The following KCNQ1 variants were observed in gnomAD, a reference collection of about 807,000 sequenced individuals.
The protein encoded by KCNQ1 is potassium voltage-gated channel subfamily KQT member 1.
A neutral mutation model predicts 72.4 loss-of-function variants in KCNQ1; 49 were observed. The ratio of observed to expected loss-of-function variants is 0.68; its 90% CI spans 0.54 to 0.86. The LOEUF is 0.86. KCNQ1 is among the 40% of genes least tolerant of loss of function. KCNQ1 has a pLI of 0.00. For synonymous variants in KCNQ1, 450 were observed against 412.6 expected (o/e 1.09, Z -1.10); for missense variants, 790 against 945.1 (o/e 0.84, Z 2.15).
intron 11 of KCNQ1, among the ~76,000 whole-genome samples, chr11:2,743,523 A>G (rs1846090988): frequency 6.6e-6 from 1 of 152,132 alleles, no homozygotes; most frequent in Non-Finnish European, 1.5e-5. Flanking sequence ...CCCGGCATGC[A>G]GCTCCCAGAG....
At chr11:2,587,786 A>G (rs1174818773) in intron 9 of KCNQ1, 94 bp downstream of exon 9, 1 of 1,552,892 alleles carries the variant, frequency 6.4e-7, no homozygotes, top group South Asian at 1.1e-5. Context: ...CTCACCATGC[A>G]TTTGGCTTGG....
intron 15 of KCNQ1, among the ~76,000 whole-genome samples, chr11:2,834,164 G>A (rs1300208616): frequency 6.7e-6 from 1 of 150,198 alleles, no homozygotes; most frequent in Non-Finnish European, 1.5e-5. Context: ...GGTGGGAGTG[G>A]TGTGGCACAT....
rs1850200728 is a variant in KCNQ1 at position 2,672,360 on chromosome 11, C to A, written c.1514+10279C>A. ...GTGCAGAAGCAGTGTGGTGGGGCAGCCTTCACAGGCTGATATGATTGAGCT... is the reference window on the plus strand; with the variant it reads ...GTGCAGAAGCAGTGTGGTGGGGCAGACTTCACAGGCTGATATGATTGAGCT... On this transcript the variant is annotated intron_variant, in intron 11 of 15. Transcript: ENST00000155840. The A allele has an allele frequency of 1.5e-5, 6 of 398,584 alleles. No individual in the cohort carries two copies. In the East Asian group the frequency reaches 2.1e-4, roughly 14 times the overall value. 24.7% of individuals were successfully genotyped at this position (398,584 alleles called of 1,614,324 possible). A position where few individuals can be genotyped will look rare whatever the true frequency, so the allele number is the denominator to read the frequency against.
intron 15 of KCNQ1, among the ~76,000 whole-genome samples, chr11:2,821,277 G>A (rs938732074): frequency 6.6e-6 from 1 of 152,250 alleles, no homozygotes; most frequent in African/African-American, 2.4e-5. Flanking sequence ...GGCCCCGCGT[G>A]GGGCAGGAGC....
chr11:2,534,457 C>T (rs756619127), intron 2 of KCNQ1, among the ~76,000 whole-genome samples: 4 of 152,250 alleles, frequency 2.6e-5, no homozygotes, highest in African/African-American at 4.8e-5. Flanking sequence ...CCACCCACCC[C>T]GAGGTCTGAC....
At position 2,565,669 on chromosome 11, in the gene KCNQ1, ACT is replaced by A. The variant is rs2133717861; in HGVS notation, c.478-4957_478-4956del. Reference sequence around the variant, plus strand: ...TGTTTTGGGGGGCAGGGACCCAGAAACTCATTGCTTTCAGGCCTTGCTAGAAA... The same window carrying A: ...TGTTTTGGGGGGCAGGGACCCAGAAACATTGCTTTCAGGCCTTGCTAGAAA... On this transcript the variant is annotated intron_variant, in intron 2 of 15. Coordinates refer to ENST00000155840, the MANE Select transcript of KCNQ1 (RefSeq NM_000218.3). The surrounding 1 kb of genome is among the most constrained non-coding windows in gnomAD (Gnocchi z 5.6). 6.6e-6 allele frequency among the ~76,000 whole-genome samples: 1 copy of A among 152,072 alleles called. No individual in the cohort carries two copies. Among genetic ancestry groups the A allele is most frequent in the Admixed American group, 6.5e-5 (1 of 15,276 alleles).
chr11:2,630,737 C>T (rs898609744), intron 10 of KCNQ1: 5 of 398,460 alleles, frequency 1.3e-5, no homozygotes, highest in Non-Finnish European at 2.2e-5. Context: ...GCCTGAATAA[C>T]TCCCTCTGGC....
In KCNQ1 at chr11:2,567,474, T is replaced by C. The variant is rs1434266854; in HGVS notation, c.478-3154T>C. 1.3e-5 allele frequency among the ~76,000 whole-genome samples: 2 copies of C among 152,156 alleles called. No individual in the cohort carries two copies. Among genetic ancestry groups the C allele is most frequent in the Non-Finnish European group, 2.9e-5 (2 of 68,014 alleles). ...TGTCCCCAGCTGAGTGTGAGCTCCC[T>C]GGGGTCTTGCTGTGGCCTTGGCCCT... On this transcript the variant is annotated intron_variant, in intron 2 of 15. Transcript: ENST00000155840. The surrounding 1 kb of genome is among the most constrained non-coding windows in gnomAD (Gnocchi z 6.6).
rs537211545 is a variant in KCNQ1, at chr11:2,509,662, G to A, written c.387-18266G>A. 1.1e-4 allele frequency among the ~76,000 whole-genome samples: 17 copies of A among 152,300 alleles called. No individual in the cohort carries two copies. In the East Asian group the frequency reaches 2.9e-3, roughly 26 times the overall value. On this transcript the variant is annotated intron_variant, in intron 1 of 15. Coordinates refer to ENST00000155840, the MANE Select transcript of KCNQ1 (RefSeq NM_000218.3). This position sits in a 1 kb window ranked among gnomAD's most constrained non-coding sequence, Gnocchi z 6.3. ...TTTCACTCCCAGCACGTCACGCCAC[G>A]TCCCTTTCCTCTGCTTTGTTCCTCC...
chr11:2,607,291 T>C (rs1254535920), intron 10 of KCNQ1, among the ~76,000 whole-genome samples: 1 of 152,164 alleles, frequency 6.6e-6, no homozygotes, highest in Middle Eastern at 3.2e-3. Flanking sequence ...TCTCCCATCA[T>C]GGAAGGGTGT....
chr11:2,635,556 C>A (rs1423274669), intron 10 of KCNQ1: 2 of 152,146 alleles, frequency 1.3e-5, no homozygotes, highest in Non-Finnish European at 2.9e-5. Flanking sequence ...TGTTTTGGTA[C>A]CAGTACCATG....
At chr11:2,641,720 CTAAAGTGTTTCCCCAATGTCTCCTTCAT>C (rs1219749820) in intron 10 of KCNQ1, 4 of 398,248 alleles carry the variant, frequency 1.0e-5, no homozygotes, top group Non-Finnish European at 1.8e-5. Context: ...GACCAATGTC[CTAAAGTGTTTCCCCAATGTCTCCTTCAT>C]TAATAGTGAT....
Position 2,549,801 on chromosome 11 carries a change from C to T in KCNQ1, c.478-20827C>T, listed in dbSNP as rs980373114. ...GTCATGAGTACCCCAGGCCCCTATG[C>T]GCCTCCTTCCCCATGACTGGCCCTG... On this transcript the variant is annotated intron_variant, in intron 2 of 15. Coordinates refer to ENST00000155840, the MANE Select transcript of KCNQ1 (RefSeq NM_000218.3). The surrounding 1 kb of genome is among the most constrained non-coding windows in gnomAD (Gnocchi z 6.2). Among the ~76,000 whole-genome samples, 3 of 152,106 alleles carry T rather than the reference C, an allele frequency of 2.0e-5. No homozygotes were observed. The highest frequency in any genetic ancestry group is 4.8e-5 in the African/African-American group (2 of 41,426).
rs561062621 is a variant in KCNQ1 at position 2,734,723 on chromosome 11, T to C, written c.1515-34121T>C. Among the ~76,000 whole-genome samples the C allele has an allele frequency of 6.6e-6, 1 of 151,884 alleles. No homozygotes were observed. Among genetic ancestry groups the C allele is most frequent in the Admixed American group, 6.6e-5 (1 of 15,266 alleles). The stretch of plus-strand genomic sequence containing the variant: ...CAGCCAGGGAGGTGAGAGGTAATCC[T>C]GGAAGCTGCTATGTAGACAGAAGCG... On this transcript the variant is annotated intron_variant, in intron 11 of 15. Transcript: ENST00000155840. The surrounding 1 kb of genome is among the most constrained non-coding windows in gnomAD (Gnocchi z 7.0).
intron 15 of KCNQ1, among the ~76,000 whole-genome samples, chr11:2,800,118 G>A (rs1370038947): frequency 6.6e-6 from 1 of 152,176 alleles, no homozygotes; most frequent in East Asian, 1.9e-4. Context: ...ACAGTTCCCA[G>A]GGCTCTGACC....
In KCNQ1 at chr11:2,774,304, A is replaced by C. The variant is rs569773015; in HGVS notation, c.1591-1656A>C. Reference sequence around the variant, plus strand: ...CCAACCCCATGCCTGCCTCTATCACAGTTCTTGGTGTGTCATTTCTGGGCA... The same window carrying C: ...CCAACCCCATGCCTGCCTCTATCACCGTTCTTGGTGTGTCATTTCTGGGCA... On this transcript the variant is annotated intron_variant, in intron 12 of 15. Coordinates refer to ENST00000155840, the MANE Select transcript of KCNQ1 (RefSeq NM_000218.3). Among the ~76,000 whole-genome samples the C allele has an allele frequency of 9.9e-4, 150 of 152,242 alleles. 1 individual carries two copies. The highest frequency in any genetic ancestry group is 3.5e-3 in the African/African-American group (145 of 41,542).
Position 2,611,823 on chromosome 11 carries a change from G to C in KCNQ1, c.1393+22969G>C, listed in dbSNP as rs1394690566. The C allele has an allele frequency of 2.5e-6, 1 of 398,204 alleles. No homozygotes were observed. Among genetic ancestry groups the C allele is most frequent in the Non-Finnish European group, 4.4e-6 (1 of 225,986 alleles). 24.7% of individuals were successfully genotyped at this position (398,204 alleles called of 1,614,324 possible). A position where few individuals can be genotyped will look rare whatever the true frequency, so the allele number is the denominator to read the frequency against. On this transcript the variant is annotated intron_variant, in intron 10 of 15. Transcript: ENST00000155840. The surrounding 1 kb of genome is among the most constrained non-coding windows in gnomAD (Gnocchi z 5.3). Reference sequence around the variant, plus strand: ...TTTACTGCCTTCTGCAGGTTGAATAGATATGTTCTAGAGTACCATTCTAAT... The same window carrying C: ...TTTACTGCCTTCTGCAGGTTGAATACATATGTTCTAGAGTACCATTCTAAT...
intron 11 of KCNQ1, chr11:2,667,293 G>A (rs1016940005): frequency 7.5e-6 from 3 of 398,530 alleles, no homozygotes; most frequent in South Asian, 1.3e-4. Context: ...TGGGGAGAGG[G>A]CCGCACTGTC....
At chr11:2,517,611 C>A (rs983796068) in intron 1 of KCNQ1, among the ~76,000 whole-genome samples, 4 of 152,164 alleles carry the variant, frequency 2.6e-5, no homozygotes, top group Non-Finnish European at 4.4e-5. Context: ...GGCAGGGTTT[C>A]CCCCTGGCAG....
Sources: gnomAD v4.1 joint callset for allele counts (sites outside exome capture counted in the v4.1 genomes callset) on GRCh38, gnomAD v4.1.1 for gene constraint, Gnocchi (gnomAD v3.1) non-coding constraint, MANE v1.5 for transcripts, NCBI Gene and HGNC (gene_info 2026-07-23, HGNC 2026-07-21) for gene names.